The following SORCS2 variants were observed in gnomAD, a reference collection of about 807,000 sequenced individuals.
SORCS2 encodes the protein sortilin related VPS10 domain containing receptor 2.
Under a neutral mutation model 141.6 loss-of-function variants are expected in SORCS2, and 100 were observed. The ratio of observed to expected loss-of-function variants is 0.71; its 90% confidence interval spans 0.60 to 0.83. The LOEUF (loss-of-function observed/expected upper bound fraction) is 0.83, where lower values mean the gene tolerates loss of function less well. Ranked by LOEUF, SORCS2 falls within the 40% of genes least tolerant of loss-of-function variation. The pLI is 0.00. For missense variants in SORCS2, 1,646 were observed against 1,560.2 expected (o/e 1.05, Z -0.93); for synonymous variants, 789 against 676.9 (o/e 1.17, Z -2.57).
At chr4:7,406,551 T>G (rs149602881) in intron 2 of SORCS2, among the ~76,000 whole-genome samples, 27 of 152,016 alleles carry the variant, frequency 1.8e-4, no homozygotes, top group Non-Finnish European at 3.2e-4. Context: ...TCCTAGTAAC[T>G]CTTCGTATTT....
chr4:7,372,166 G>A (rs1213658858), intron 1 of SORCS2, among the ~76,000 whole-genome samples: 2 of 152,224 alleles, frequency 1.3e-5, no homozygotes, highest in Non-Finnish European at 2.9e-5. Flanking sequence ...GAAGCCAGAA[G>A]GTGTGTGGAT....
At chr4:7,391,811 T>C (rs1723881547) in intron 1 of SORCS2, among the ~76,000 whole-genome samples, 1 of 152,160 alleles carries the variant, frequency 6.6e-6, no homozygotes, top group African/African-American at 2.4e-5. Context: ...TTGTTGAATC[T>C]GACACACCTC....
chr4:7,483,379 A>C (rs1208865364), intron 2 of SORCS2, among the ~76,000 whole-genome samples: 1 of 151,074 alleles, frequency 6.6e-6, no homozygotes, highest in Non-Finnish European at 1.5e-5. Context: ...TGAAGTGGGC[A>C]GAGAGTAGCG....
chr4:7,340,174 G>C (rs1184463657), intron 1 of SORCS2, among the ~76,000 whole-genome samples: 2 of 152,246 alleles, frequency 1.3e-5, no homozygotes, highest in Non-Finnish European at 2.9e-5. Context: ...AAGTGGATTT[G>C]AAAGGCCCGA....
At chr4:7,353,371 C>T (rs1186278958) in intron 1 of SORCS2, among the ~76,000 whole-genome samples, 2 of 152,210 alleles carry the variant, frequency 1.3e-5, no homozygotes, top group Non-Finnish European at 2.9e-5. Context: ...TAGTCAGCTA[C>T]TAGGAGCTCC....
intron 23 of SORCS2, among the ~76,000 whole-genome samples, 161 bp downstream of exon 23, chr4:7,729,873 C>T (rs1711536978): frequency 1.3e-5 from 2 of 152,190 alleles, no homozygotes; most frequent in Admixed American, 1.3e-4. Context: ...CCACCTGTGG[C>T]TACGCCCTCT....
chr4:7,253,147 G>A (rs764389028), intron 1 of SORCS2, among the ~76,000 whole-genome samples: 3 of 152,234 alleles, frequency 2.0e-5, no homozygotes, highest in Non-Finnish European at 4.4e-5. Flanking sequence ...TGGCCGTCCC[G>A]GCCTTTGAGG....
At chr4:7,413,888 C>A (rs966844814) in intron 2 of SORCS2, among the ~76,000 whole-genome samples, 1 of 152,128 alleles carries the variant, frequency 6.6e-6, no homozygotes, top group Admixed American at 6.5e-5. Flanking sequence ...CTTCTGTGTG[C>A]CCTTTTCCTC....
At chr4:7,731,055 G>A (rs1252489606) in intron 23 of SORCS2, among the ~76,000 whole-genome samples, 7 of 152,206 alleles carry the variant, frequency 4.6e-5, no homozygotes, top group Admixed American at 1.3e-4. Context: ...GAGGCTTGGC[G>A]AGGGCCACCG....
At chr4:7,449,767 A>G (rs1463224592) in intron 2 of SORCS2, among the ~76,000 whole-genome samples, 1 of 152,018 alleles carries the variant, frequency 6.6e-6, no homozygotes, top group Non-Finnish European at 1.5e-5. Flanking sequence ...TTGGCCTCGG[A>G]AATCGCTCCA....
At chr4:7,407,565 T>A (rs1032358888) in intron 2 of SORCS2, among the ~76,000 whole-genome samples, 1 of 152,106 alleles carries the variant, frequency 6.6e-6, no homozygotes, top group Admixed American at 6.5e-5. Context: ...TCAGTCTATG[T>A]GTCATTATAG....
intron 1 of SORCS2, among the ~76,000 whole-genome samples, chr4:7,213,264 A>T (rs1728154357): frequency 7.6e-6 from 1 of 131,090 alleles, no homozygotes; most frequent in Admixed American, 7.1e-5. Flanking sequence ...ATTTTTAGTC[A>T]CTGTGCCCAT....
chr4:7,637,157 C>G (rs1321515236), intron 3 of SORCS2, among the ~76,000 whole-genome samples: 1 of 152,204 alleles, frequency 6.6e-6, no homozygotes, highest in African/African-American at 2.4e-5. Context: ...CAAGTAAGAT[C>G]ACAGTCGCGA....
intron 2 of SORCS2, among the ~76,000 whole-genome samples, chr4:7,445,909 G>A (rs988330666): frequency 1.3e-5 from 2 of 152,122 alleles, no homozygotes; most frequent in Admixed American, 1.3e-4. Context: ...AGGGATGGGG[G>A]ACAGGTGCTC....
chr4:7,386,213 G>T (rs1431909880), intron 1 of SORCS2, among the ~76,000 whole-genome samples: 1 of 85,306 alleles, frequency 1.2e-5, no homozygotes, highest in Admixed American at 1.1e-4. Flanking sequence ...TTGCACACAC[G>T]CACACACATG....
chr4:7,362,914 TCATCAC>T (rs913632766), intron 1 of SORCS2, among the ~76,000 whole-genome samples: 1 of 145,120 alleles, frequency 6.9e-6, no homozygotes, highest in Non-Finnish European at 1.5e-5. Context: ...ATTACTATCA[TCATCAC>T]CATCACCATC....
At position 7,737,176 on chromosome 4, in the gene SORCS2, A is replaced by C. The variant is rs1712251914; in HGVS notation, c.3415+4A>C. ...GACGTCCAGGGCGCTGTCCAGGGTG[A>C]GGAGTTTATAGATGATGATCTCGAC... is the stretch of plus-strand genomic sequence containing the variant. On this transcript the variant is annotated splice_donor_region_variant and intron_variant, in intron 26 of 26. Coordinates refer to ENST00000507866, the MANE Select transcript of SORCS2 (RefSeq NM_020777.3). 2 of 1,550,938 alleles carry C rather than the reference A, an allele frequency of 1.3e-6. No individual in the cohort carries two copies. The highest frequency in any genetic ancestry group is 2.7e-5 in the African/African-American group (2 of 73,028).
At chr4:7,633,156 G>A (rs545700691) in intron 3 of SORCS2, among the ~76,000 whole-genome samples, 1 of 152,326 alleles carries the variant, frequency 6.6e-6, no homozygotes, top group South Asian at 2.1e-4. Flanking sequence ...ACCAGTGGCA[G>A]GAGTGGGGGT....
At chr4:7,409,764 T>G (rs1577514685) in intron 2 of SORCS2, among the ~76,000 whole-genome samples, 1 of 152,362 alleles carries the variant, frequency 6.6e-6, no homozygotes, top group East Asian at 1.9e-4. Flanking sequence ...TTCACTTCTC[T>G]GTGGCTCTGG....
Sources: gnomAD v4.1 joint callset for allele counts (sites outside exome capture counted in the v4.1 genomes callset) on GRCh38, gnomAD v4.1.1 for gene constraint, MANE v1.5 for transcripts, NCBI Gene and HGNC (gene_info 2026-07-23, HGNC 2026-07-21) for gene names.